Variants in CUBN observed in about 807,000 individuals in gnomAD.
CUBN encodes cubilin, also known as 460 kDa receptor.
Under a neutral mutation model 405.3 loss-of-function variants are expected in CUBN, and 282 were observed. That is an observed-to-expected ratio of 0.70 (90% CI 0.63 to 0.77). The LOEUF (loss-of-function observed/expected upper bound fraction) is 0.77. CUBN is among the 30% of genes least tolerant of loss of function. The pLI, the probability that CUBN is intolerant of heterozygous loss-of-function variation, is 0.00. For synonymous variants in CUBN, 1,684 were observed against 1,617.0 expected (o/e 1.04, Z -0.99); for missense variants, 4,514 against 4,475.2 (o/e 1.01, Z -0.25).
intron 6 of CUBN, chr10:17,122,534 C>T: frequency 1.9e-6 from 1 of 525,876 alleles, no homozygotes; most frequent in Admixed American, 2.4e-5. Context: ...ACTCTCTGTG[C>T]CAATCACGGG....
intron 48 of CUBN, among the ~76,000 whole-genome samples, chr10:16,908,329 G>A (rs571659496): frequency 2.6e-5 from 4 of 152,126 alleles, no homozygotes; most frequent in Non-Finnish European, 4.4e-5. Flanking sequence ...ATTTTTAGTA[G>A]AGATGGGGTT....
intron 14 of CUBN, among the ~76,000 whole-genome samples, chr10:17,092,740 T>C (rs1179032560): frequency 6.6e-6 from 1 of 152,162 alleles, no homozygotes; most frequent in Non-Finnish European, 1.5e-5. Flanking sequence ...GTTCCAGGAA[T>C]TGCCCACCTC....
At chr10:16,972,532 T>C (rs955300998) in intron 31 of CUBN, among the ~76,000 whole-genome samples, 2 of 151,590 alleles carry the variant, frequency 1.3e-5, no homozygotes, top group Non-Finnish European at 2.9e-5. Flanking sequence ...CGACCTCCCA[T>C]GCTCAAGCCA....
At chr10:17,025,906 A>G (rs1159872359) in intron 27 of CUBN, among the ~76,000 whole-genome samples, 1 of 152,176 alleles carries the variant, frequency 6.6e-6, no homozygotes, top group Non-Finnish European at 1.5e-5. Context: ...GCGGGAGGAC[A>G]GATCATGCAG....
chr10:16,949,431 C>T (rs1200132470), intron 34 of CUBN, among the ~76,000 whole-genome samples: 1 of 101,770 alleles, frequency 9.8e-6, no homozygotes, highest in Admixed American at 1.0e-4. Context: ...GCTTAAATGG[C>T]CTGGTGTGTG....
chr10:16,904,016 G>A lies in CUBN; in HGVS notation c.8012C>T (p.Thr2671Ile). 6.2e-7 allele frequency: 1 copy of A among 1,613,426 alleles called. No individual in the cohort carries two copies. The highest frequency in any genetic ancestry group is 8.5e-7 in the Non-Finnish European group (1 of 1,179,454). The change falls in exon 51 of 67, where the codon ACC becomes ATC. Residue 2671 changes from threonine (T) to isoleucine (I), a missense_variant. Physicochemically the swap from Thr to Ile is moderately conservative, Grantham distance 89 (BLOSUM62 -1). This residue lies in a region of CUBN where 1,186 missense variants were observed against 1,186.9 expected (regional missense o/e 1.00). Transcript: ENST00000377833. ...TCCAATGTGTTCTACACGTTCGTTG[G>A]TGACAAAGTGAATCCATACCTGAGA... is the stretch of plus-strand genomic sequence containing the variant. ...PYSQVWIHFV[T>I]NERVEHIGFH...
intron 23 of CUBN, 24 bp downstream of exon 23, chr10:17,047,390 A>G (rs1265243228): frequency 6.6e-7 from 1 of 1,525,050 alleles, no homozygotes; most frequent in African/African-American, 1.4e-5. Flanking sequence ...AAAAGATTAT[A>G]ATGAAATAAA....
chr10:16,979,333 A>G (rs1833194819), intron 31 of CUBN, among the ~76,000 whole-genome samples: 2 of 152,040 alleles, frequency 1.3e-5, no homozygotes, highest in African/African-American at 4.8e-5. Flanking sequence ...ACGGAATTAG[A>G]AAAAAAACTC....
chr10:17,080,012 A>G (rs1295910292), intron 17 of CUBN, among the ~76,000 whole-genome samples: 1 of 152,144 alleles, frequency 6.6e-6, no homozygotes, highest in Non-Finnish European at 1.5e-5. Context: ...GACGGAGGAC[A>G]GACCTTCCTG....
chr10:17,068,407 T>G, intron 20 of CUBN, 127 bp from the exon 21 acceptor site: 2 of 1,032,906 alleles, frequency 1.9e-6, no homozygotes. Context: ...CCACTTAAGA[T>G]AACCTGATTT....
At position 16,930,253 on chromosome 10, in the gene CUBN, T is replaced by C. The variant is rs182675233; in HGVS notation, c.6125-1950A>G. Among the ~76,000 whole-genome samples, 28 of 152,340 alleles carry C rather than the reference T, an allele frequency of 1.8e-4. No homozygotes were observed. The East Asian group carries it at 5.2e-3, about 28-fold the overall frequency. On this transcript the variant is annotated intron_variant, in intron 40 of 66. Coordinates refer to ENST00000377833, the MANE Select transcript of CUBN (RefSeq NM_001081.4). ...CAAGATTATTCAAGACTGACATTTATTGAGCAATTAGTATATACCCCTTTA... is the reference window on the plus strand; with the variant it reads ...CAAGATTATTCAAGACTGACATTTACTGAGCAATTAGTATATACCCCTTTA...
chr10:16,965,522 G>A (rs974786049), intron 31 of CUBN: 4 of 150,266 alleles, frequency 2.7e-5, no homozygotes, highest in African/African-American at 7.4e-5. Context: ...CACCCCTCAT[G>A]ACTGAGGGGG....
intron 28 of CUBN, among the ~76,000 whole-genome samples, chr10:17,004,538 T>A (rs1049777458): frequency 2.0e-5 from 3 of 152,192 alleles, no homozygotes; most frequent in Non-Finnish European, 4.4e-5. Flanking sequence ...TTCCTATCTA[T>A]GAATAATGGC....
In CUBN at chr10:17,129,258, A is replaced by G; in HGVS notation, c.123-8T>C. 1 of 1,613,380 alleles carries G rather than the reference A, an allele frequency of 6.2e-7. No individual in the cohort carries two copies. The highest frequency in any genetic ancestry group is 1.7e-5 in the Admixed American group (1 of 60,016). On this transcript the variant is annotated splice_polypyrimidine_tract_variant and splice_region_variant and intron_variant, in intron 1 of 66. Coordinates refer to ENST00000377833, the MANE Select transcript of CUBN (RefSeq NM_001081.4). ...TCTGTAGCCATTCGAGGCCTATATA[A>G]TTCAAACGAGAGAATGCATCAGTAA...
intron 40 of CUBN, among the ~76,000 whole-genome samples, chr10:16,928,524 A>ACCC (rs375404995): frequency 1.0e-4 from 10 of 99,676 alleles, no homozygotes; most frequent in African/African-American, 3.7e-4. Flanking sequence ...ACCCCACCCC[A>ACCC]CCCCCCCCTT....
In CUBN at chr10:16,925,384, G is replaced by T; in HGVS notation, c.6503C>A (p.Pro2168His). 6.2e-7 allele frequency: 1 copy of T among 1,613,900 alleles called. No homozygotes were observed. Among genetic ancestry groups the T allele is most frequent in the Non-Finnish European group, 8.5e-7 (1 of 1,179,890 alleles). The change falls in exon 43 of 67, where the codon CCC becomes CAC. Residue 2168 changes from proline (P) to histidine (H), a missense_variant. Around this residue, in one of 5 missense-constraint regions of CUBN, gnomAD observed 1,613 missense variants for 1,542.8 expected, o/e 1.05. Transcript: ENST00000377833. Reference protein sequence around the residue: ...GPDICSPPLGPPGGNGHFCGS... With the variant: ...GPDICSPPLGHPGGNGHFCGS... ...ACAAAAATGACCATTTCCTCCAGGG[G>T]GTCCCAAGGGTGGAGAACAGATATC...
At chr10:17,002,843 G>A (rs1366606621) in intron 28 of CUBN, among the ~76,000 whole-genome samples, 9 of 152,148 alleles carry the variant, frequency 5.9e-5, no homozygotes, top group Non-Finnish European at 7.3e-5. Flanking sequence ...AATGAGCATC[G>A]TCCATTAAGA....
chr10:16,992,789 C>T (rs755450520), intron 28 of CUBN, among the ~76,000 whole-genome samples: 4 of 152,108 alleles, frequency 2.6e-5, no homozygotes, highest in Non-Finnish European at 4.4e-5. Flanking sequence ...TAAAAAGTTC[C>T]GGCTTTTATT....
At chr10:16,946,490 C>CT (rs775415655) in intron 36 of CUBN, among the ~76,000 whole-genome samples, 7,901 of 121,012 alleles carry the variant, frequency 0.065, 342 homozygotes, top group Non-Finnish European at 0.093. Context: ...AAAACCATTC[C>CT]TTTTTTTTTT....
Sources: gnomAD v4.1 joint callset for allele counts (sites outside exome capture counted in the v4.1 genomes callset) on GRCh38, gnomAD v4.1.1 for gene constraint, gnomAD v4.1.1 regional missense constraint, MANE v1.5 for transcripts, NCBI Gene and HGNC (gene_info 2026-07-23, HGNC 2026-07-21) for gene names.